ATXN7: variants seen among roughly 807,000 people sequenced by gnomAD.
ATXN7 encodes the protein ataxin 7.
Under a neutral mutation model 70.5 loss-of-function variants are expected in ATXN7, and 12 were observed. That is an observed-to-expected ratio of 0.17 (90% CI 0.11 to 0.28). ATXN7 has a LOEUF of 0.28. Among genes scored for constraint, ATXN7 ranks in the 10% least tolerant of loss-of-function variants. ATXN7 has a pLI of 1.00. For synonymous variants in ATXN7, 498 were observed against 448.7 expected, an observed-to-expected ratio of 1.11 and a Z score of -1.39; for missense variants, 1,256 against 1,131.7, an observed-to-expected ratio of 1.11 and a Z score of -1.58.
chr3:63,977,838 G>T (rs1244039009), intron 5 of ATXN7, among the ~76,000 whole-genome samples: 5 of 152,190 alleles, frequency 3.3e-5, no homozygotes, highest in African/African-American at 1.2e-4. Context: ...GAGTAAGGAG[G>T]AGGAGATGAT....
At chr3:63,906,220 G>C (rs1161184082) in intron 2 of ATXN7, among the ~76,000 whole-genome samples, 1 of 152,218 alleles carries the variant, frequency 6.6e-6, no homozygotes, top group East Asian at 1.9e-4. Context: ...TACAAACCCA[G>C]GTAGGCTCCT....
intron 5 of ATXN7, among the ~76,000 whole-genome samples, chr3:63,978,162 C>G (rs1051180782): frequency 1.3e-5 from 2 of 152,294 alleles, no homozygotes; most frequent in Middle Eastern, 3.4e-3. Context: ...ATCTGGATGC[C>G]TAGTCCACAC....
chr3:63,909,885 A>C (rs1379409745), intron 2 of ATXN7, among the ~76,000 whole-genome samples: 1 of 152,192 alleles, frequency 6.6e-6, no homozygotes, highest in Admixed American at 6.5e-5. Context: ...TGCTCAGTTT[A>C]ATATAAGACA....
chr3:63,969,816 C>T (rs936975677), intron 5 of ATXN7, among the ~76,000 whole-genome samples: 1 of 152,154 alleles, frequency 6.6e-6, no homozygotes, highest in Non-Finnish European at 1.5e-5. Flanking sequence ...TTTTCCCTAA[C>T]ACATAGAGGA....
Position 63,996,169 on chromosome 3 carries a change from A to T in ATXN7, c.2347A>T (p.Ser783Cys). 1 of 1,614,156 alleles carries T rather than the reference A, an allele frequency of 6.2e-7. No homozygotes were observed. The highest frequency in any genetic ancestry group is 8.5e-7 in the Non-Finnish European group (1 of 1,180,024). ...DQSGRGPPTG[S>C]PAESIKRMSV... ...GTCAGGGAGGGGCCCCCCCACCGGG[A>T]GCCCTGCTGAATCCATCAAGAGGAT... Residue 783 changes from serine (S) to cysteine (C), a missense_variant, in exon 12 of 13, where the codon AGC (serine) becomes TGC (cysteine). Transcript: ENST00000674280.
intron 11 of ATXN7, among the ~76,000 whole-genome samples, chr3:63,993,738 C>G (rs1010727302): frequency 6.6e-6 from 1 of 152,168 alleles, no homozygotes; most frequent in African/African-American, 2.4e-5. Context: ...AAGGCTTTTC[C>G]TTTCCTCGAG....
chr3:63,989,561 C>T (rs2075634485), intron 9 of ATXN7, among the ~76,000 whole-genome samples: 1 of 146,708 alleles, frequency 6.8e-6, no homozygotes, highest in Non-Finnish European at 1.5e-5. Context: ...CATGTATAGG[C>T]TTTTTTTTTT....
At chr3:63,934,174 C>T (rs559573652) in intron 4 of ATXN7, among the ~76,000 whole-genome samples, 1 of 152,282 alleles carries the variant, frequency 6.6e-6, no homozygotes, top group South Asian at 2.1e-4. Context: ...GAAACCACCC[C>T]CTTGTGTCCT....
chr3:63,965,661 G>T lies in ATXN7; in HGVS notation c.499+13178G>T, dbSNP rs144639263. ...ATGTCCCCAGACCTAGACAATTAAC[G>T]TCTGAGCCATCATTGGGATATTTAA... On this transcript the variant is annotated intron_variant, in intron 5 of 12. Transcript: ENST00000674280. 2.8e-4 allele frequency among the ~76,000 whole-genome samples: 42 copies of T among 152,176 alleles called. No individual in the cohort carries two copies. The East Asian group carries it at 6.9e-3, about 25-fold the overall frequency.
chr3:63,888,450 A>G (rs1484630498), intron 1 of ATXN7, among the ~76,000 whole-genome samples: 3 of 152,188 alleles, frequency 2.0e-5, no homozygotes, highest in Admixed American at 2.0e-4. Flanking sequence ...TCATGTAATC[A>G]CTACCACAAT....
intron 4 of ATXN7, among the ~76,000 whole-genome samples, chr3:63,915,961 A>T (rs1704247523): frequency 1.3e-5 from 2 of 152,146 alleles, no homozygotes; most frequent in East Asian, 3.9e-4. Context: ...TGCTGGGATT[A>T]CAGGCATGAA....
At chr3:63,913,106 C>T (rs1226641022) in intron 3 of ATXN7, 51 bp from the exon 4 acceptor site, 14 of 1,583,764 alleles carry the variant, frequency 8.8e-6, no homozygotes, top group South Asian at 1.1e-5. Flanking sequence ...GCGTCACACT[C>T]CTGGCCACTG....
rs532545824 is a variant in ATXN7, at chr3:63,923,513, G to T, written c.394+10288G>T. On this transcript the variant is annotated intron_variant, in intron 4 of 12. Transcript: ENST00000674280. ...GAGCTGAGACCAGAATGCCGAGAAA[G>T]AAGTAGCCACAGGCTGGGCGTGGTG... Among the ~76,000 whole-genome samples, 170 of 152,276 alleles carry T rather than the reference G, an allele frequency of 1.1e-3. 1 individual carries two copies. The highest frequency in any genetic ancestry group is 4.0e-3 in the African/African-American group (166 of 41,552).
intron 4 of ATXN7, among the ~76,000 whole-genome samples, chr3:63,934,004 G>GTGTAGT (rs2107347452): frequency 6.6e-6 from 1 of 151,508 alleles, no homozygotes; most frequent in Admixed American, 6.5e-5. Context: ...ATTGGAAATT[G>GTGTAGT]CGTAGTTGGT....
chr3:63,996,912 G>A (rs770189332), intron 12 of ATXN7, among the ~76,000 whole-genome samples: 5 of 152,186 alleles, frequency 3.3e-5, no homozygotes, highest in East Asian at 1.9e-4. Flanking sequence ...AGTATGTTCC[G>A]CTGAGGAAAG....
At chr3:63,928,999 A>G (rs1704827174) in intron 4 of ATXN7, among the ~76,000 whole-genome samples, 1 of 152,174 alleles carries the variant, frequency 6.6e-6, no homozygotes, top group African/African-American at 2.4e-5. Context: ...TAGTCCACAT[A>G]AGGGTTCATC....
intron 5 of ATXN7, among the ~76,000 whole-genome samples, chr3:63,975,398 A>T (rs1559652753): frequency 6.6e-6 from 1 of 152,230 alleles, no homozygotes; most frequent in African/African-American, 2.4e-5. Flanking sequence ...AACAATACAC[A>T]AATGTTTTAA....
At chr3:63,888,186 T>TA (rs1703145136) in intron 1 of ATXN7, among the ~76,000 whole-genome samples, 1 of 152,188 alleles carries the variant, frequency 6.6e-6, no homozygotes, top group South Asian at 2.1e-4. Flanking sequence ...TATTATTTAA[T>TA]AATATGAATT....
intron 4 of ATXN7, among the ~76,000 whole-genome samples, chr3:63,948,937 A>C (rs966585741): frequency 2.6e-5 from 4 of 152,230 alleles, no homozygotes; most frequent in African/African-American, 7.2e-5. Context: ...TTTATGCTCA[A>C]GTACATAATT....
Sources: allele counts gnomAD v4.1 joint callset (sites outside exome capture counted in the v4.1 genomes callset), GRCh38; gene constraint gnomAD v4.1.1; transcripts MANE v1.5; gene names NCBI Gene and HGNC (gene_info 2026-07-23, HGNC 2026-07-21).